NRG1: variants seen among roughly 807,000 people sequenced by gnomAD.
NRG1 encodes neuregulin 1.
A neutral mutation model predicts 63.8 loss-of-function variants in NRG1; 18 were observed. The ratio of observed to expected loss-of-function variants is 0.28; its 90% CI spans 0.19 to 0.42. The LOEUF is 0.42. NRG1 is among the 10% of genes least tolerant of loss of function. The probability of loss-of-function intolerance (pLI) is 1.00; values close to 1 mark genes in which losing one functional copy is unlikely to be tolerated. For synonymous variants in NRG1, 302 were observed against 301.3 expected (o/e 1.00, Z -0.02); for missense variants, 762 against 814.7 (o/e 0.94, Z 0.79).
chr8:31,859,595 C>T (rs530673919), intron 1 of NRG1, among the ~76,000 whole-genome samples: 2 of 152,284 alleles, frequency 1.3e-5, no homozygotes, highest in African/African-American at 4.8e-5. Context: ...ATAACTTCTG[C>T]ATAACTATTG....
At chr8:32,278,096 A>G (rs1312999107) in intron 1 of NRG1, among the ~76,000 whole-genome samples, 2 of 152,194 alleles carry the variant, frequency 1.3e-5, no homozygotes, top group African/African-American at 2.4e-5. Flanking sequence ...ATTCTTGCAC[A>G]TTTAATCTCA....
At chr8:31,866,580 T>G (rs971304355) in intron 1 of NRG1, among the ~76,000 whole-genome samples, 1 of 152,188 alleles carries the variant, frequency 6.6e-6, no homozygotes, top group Non-Finnish European at 1.5e-5. Flanking sequence ...CAATGGCTGT[T>G]GAAAATTCTC....
chr8:32,587,830 C>G (rs1489537589), intron 1 of NRG1, among the ~76,000 whole-genome samples: 2 of 152,158 alleles, frequency 1.3e-5, no homozygotes, highest in African/African-American at 4.8e-5. Context: ...ACTGTGACCC[C>G]CTGCTATTAA....
intron 1 of NRG1, among the ~76,000 whole-genome samples, chr8:32,465,329 A>G (rs898702077): frequency 7.2e-5 from 11 of 152,224 alleles, no homozygotes; most frequent in Admixed American, 5.2e-4. Context: ...TGCCATCACC[A>G]TATCATAAAC....
At chr8:31,851,932 A>C (rs1827273373) in intron 1 of NRG1, among the ~76,000 whole-genome samples, 1 of 150,808 alleles carries the variant, frequency 6.6e-6, no homozygotes, top group Admixed American at 6.6e-5. Flanking sequence ...TACAAAGGAC[A>C]TGAACTCATC....
chr8:32,270,392 T>G (rs1563254149), intron 1 of NRG1, among the ~76,000 whole-genome samples: 1 of 152,206 alleles, frequency 6.6e-6, no homozygotes, highest in Non-Finnish European at 1.5e-5. Context: ...GTTTATGTAT[T>G]TAACTTGTAA....
At chr8:31,790,599 G>T (rs571706820) in intron 1 of NRG1, among the ~76,000 whole-genome samples, 1 of 152,136 alleles carries the variant, frequency 6.6e-6, no homozygotes, top group Non-Finnish European at 1.5e-5. Context: ...TTTTAAATTA[G>T]CATCTGTAGC....
intron 1 of NRG1, among the ~76,000 whole-genome samples, chr8:32,416,266 T>G (rs1286378308): frequency 6.6e-6 from 1 of 152,024 alleles, no homozygotes; most frequent in East Asian, 1.9e-4. Flanking sequence ...AGTTGGTAAT[T>G]GTCCCCTTCC....
intron 7 of NRG1, among the ~76,000 whole-genome samples, chr8:32,744,238 A>G (rs1827030806): frequency 6.6e-6 from 1 of 152,168 alleles, no homozygotes; most frequent in Non-Finnish European, 1.5e-5. Context: ...TAATGTTAAG[A>G]TTAGACCCGT....
intron 1 of NRG1, among the ~76,000 whole-genome samples, chr8:32,103,841 A>G (rs575030773): frequency 2.0e-5 from 3 of 152,266 alleles, no homozygotes; most frequent in South Asian, 2.1e-4. Context: ...CAAAGGAGGT[A>G]GGGTTGGAGG....
intron 1 of NRG1, among the ~76,000 whole-genome samples, chr8:31,994,289 C>T (rs903902551): frequency 6.6e-6 from 1 of 151,822 alleles, no homozygotes; most frequent in South Asian, 2.1e-4. Flanking sequence ...ATCAAGGACA[C>T]AGTTAGGTAT....
intron 1 of NRG1, among the ~76,000 whole-genome samples, chr8:32,448,287 C>G (rs925657582): frequency 4.6e-5 from 7 of 152,132 alleles, no homozygotes; most frequent in African/African-American, 1.7e-4. Flanking sequence ...TGAAAATTCC[C>G]TCTTCAAGAC....
intron 1 of NRG1, among the ~76,000 whole-genome samples, chr8:32,076,612 A>G (rs567784868): frequency 6.6e-6 from 1 of 152,206 alleles, no homozygotes; most frequent in Admixed American, 6.5e-5. Context: ...AAAAATAACT[A>G]ATGTATACTA....
At chr8:31,873,481 C>A (rs1452600311) in intron 1 of NRG1, among the ~76,000 whole-genome samples, 1 of 152,152 alleles carries the variant, frequency 6.6e-6, no homozygotes, top group Non-Finnish European at 1.5e-5. Flanking sequence ...ATCGCTTGAA[C>A]CTGGGAGGCG....
At chr8:32,495,799 A>C (rs1204150708) in intron 1 of NRG1, among the ~76,000 whole-genome samples, 1 of 152,046 alleles carries the variant, frequency 6.6e-6, no homozygotes, top group Non-Finnish European at 1.5e-5. Context: ...GTTTGTTTGG[A>C]GTATGTCTTT....
chr8:32,657,516 G>A (rs1293207050), intron 5 of NRG1, among the ~76,000 whole-genome samples: 2 of 152,166 alleles, frequency 1.3e-5, no homozygotes, highest in Non-Finnish European at 1.5e-5. Context: ...GAGAGTGAAT[G>A]AGACCTTAAC....
intron 1 of NRG1, among the ~76,000 whole-genome samples, chr8:32,218,380 A>ACTT (rs1845465622): frequency 6.6e-6 from 1 of 152,172 alleles, no homozygotes; most frequent in African/African-American, 2.4e-5. Context: ...TTTTCTGTTC[A>ACTT]TAAATTCTCT....
intron 1 of NRG1, among the ~76,000 whole-genome samples, chr8:32,440,261 T>A (rs1819366345): frequency 6.6e-6 from 1 of 152,116 alleles, no homozygotes; most frequent in Non-Finnish European, 1.5e-5. Context: ...GGGACTACAA[T>A]TCTAGATGAG....
intron 1 of NRG1, among the ~76,000 whole-genome samples, chr8:31,719,521 A>T (rs1481684834): frequency 6.6e-6 from 1 of 152,186 alleles, no homozygotes; most frequent in Non-Finnish European, 1.5e-5. Context: ...TTAGGGGTAG[A>T]AGAGAATGGA....
Sources: allele counts gnomAD v4.1 joint callset (sites outside exome capture counted in the v4.1 genomes callset), GRCh38; gene constraint gnomAD v4.1.1; transcripts MANE v1.5; gene names NCBI Gene and HGNC (gene_info 2026-07-23, HGNC 2026-07-21).